HECTD4: variants seen among roughly 807,000 people sequenced by gnomAD.
The protein encoded by HECTD4 is HECT domain E3 ubiquitin protein ligase 4.
A neutral mutation model predicts 471.5 loss-of-function variants in HECTD4; 114 were observed. That is an observed-to-expected ratio of 0.24 (90% CI 0.21 to 0.28). The LOEUF is 0.28. HECTD4 is among the 10% of genes least tolerant of loss of function. The pLI, the probability that HECTD4 is intolerant of heterozygous loss-of-function variation, is 1.00. For synonymous variants in HECTD4, 2,012 were observed against 2,256.0 expected (o/e 0.89, Z 3.07); for missense variants, 3,866 against 5,651.5 (o/e 0.68, Z 10.13).
At chr12:112,242,065 T>C (rs977236615) in intron 32 of HECTD4, among the ~76,000 whole-genome samples, 2 of 152,224 alleles carry the variant, frequency 1.3e-5, no homozygotes, top group Non-Finnish European at 2.9e-5. Context: ...GAAACTCATA[T>C]AGAACAACTC....
chr12:112,187,968 G>A (rs2031940054), intron 60 of HECTD4, among the ~76,000 whole-genome samples: 1 of 151,450 alleles, frequency 6.6e-6, no homozygotes, highest in African/African-American at 2.4e-5. Context: ...AAAAGGAGGA[G>A]TTGATTGCAA....
At position 112,166,520 on chromosome 12, in the gene HECTD4, A is replaced by G. The variant is rs940254293; in HGVS notation, c.12534+797T>C. The G allele has an allele frequency of 6.6e-6, 1 of 152,224 alleles. No individual in the cohort carries two copies. The allele number at this position is 152,224 out of a possible 1,614,324, so 9.4% of individuals were successfully genotyped here. On this transcript the variant is annotated intron_variant, in intron 72 of 75. Transcript: ENST00000682272. This position sits in a 1 kb window ranked among gnomAD's most constrained non-coding sequence, Gnocchi z 4.6. ...ACGTTGCCCTCCACACTCAGCCAGG[A>G]TGGCTCTCTCAGCTGTAGGGCACGT...
chr12:112,170,794 G>A, intron 68 of HECTD4: 1 of 452,548 alleles, frequency 2.2e-6, no homozygotes, highest in Non-Finnish European at 3.9e-6. Flanking sequence ...GAAGGAGAGA[G>A]ACTCATCTGT....
intron 55 of HECTD4, among the ~76,000 whole-genome samples, chr12:112,195,954 G>A (rs1173725412): frequency 6.6e-6 from 1 of 152,188 alleles, no homozygotes; most frequent in Admixed American, 6.5e-5. Context: ...TTGAGGTCAG[G>A]AGTTTGAGAC....
chr12:112,237,182 C>T, intron 34 of HECTD4, 84 bp from the exon 35 acceptor site: 1 of 1,232,164 alleles, frequency 8.1e-7, no homozygotes, highest in Non-Finnish European at 1.1e-6. Flanking sequence ...GAGCCCTGTC[C>T]ATTTATCTTG....
rs115376244 is a variant in HECTD4 at position 112,203,711 on chromosome 12, A to C, written c.8331T>G (p.Thr2777=). 1.6e-4 allele frequency: 252 copies of C among 1,612,904 alleles called. No individual in the cohort carries two copies. In the African/African-American group the frequency reaches 3.2e-3, roughly 20 times the overall value. The change falls in exon 54 of 76, where the codon ACT becomes ACG. Residue 2777 remains threonine, a synonymous_variant. Transcript: ENST00000682272. ...CTCGGATGGCAAATTTTGGCAGAGC[A>C]GTTCCAACAGCACTGCTGGCTACAT... is the stretch of plus-strand genomic sequence containing the variant. ...SNNVASSAVG[T]ALPKFAIRGM...
At chr12:112,225,773 G>A (rs1355979605) in intron 44 of HECTD4, among the ~76,000 whole-genome samples, 1 of 152,102 alleles carries the variant, frequency 6.6e-6, no homozygotes, top group Admixed American at 6.6e-5. Context: ...AAATTAGGAA[G>A]TTAAACACTG....
intron 21 of HECTD4, among the ~76,000 whole-genome samples, chr12:112,255,749 C>G (rs1038105443): frequency 2.6e-5 from 4 of 152,168 alleles, no homozygotes; most frequent in Non-Finnish European, 4.4e-5. Flanking sequence ...TACAATTCAA[C>G]AATTCTAAGT....
intron 55 of HECTD4, 23 bp downstream of exon 55, chr12:112,200,615 T>C: frequency 1.9e-6 from 3 of 1,599,278 alleles, no homozygotes; most frequent in Non-Finnish European, 2.6e-6. Flanking sequence ...TGTGACCCAG[T>C]AGAAAGAAGG....
At chr12:112,226,810 A>G in intron 43 of HECTD4, 52 bp from the exon 44 acceptor site, 2 of 1,340,010 alleles carry the variant, frequency 1.5e-6, no homozygotes, top group Non-Finnish European at 1.0e-6. Context: ...TTCATTGTCT[A>G]AAAAAGTCAA....
At chr12:112,296,382 G>T (rs1021813556) in intron 7 of HECTD4, among the ~76,000 whole-genome samples, 4 of 149,942 alleles carry the variant, frequency 2.7e-5, no homozygotes, top group Non-Finnish European at 5.9e-5. Context: ...AGTACAGAAG[G>T]TGTAGGTGGA....
At chr12:112,295,568 G>C (rs1019934900) in intron 7 of HECTD4, among the ~76,000 whole-genome samples, 7 of 149,672 alleles carry the variant, frequency 4.7e-5, no homozygotes, top group Non-Finnish European at 7.4e-5. Flanking sequence ...TTGAACTCCT[G>C]GCTTCAAGTG....
In HECTD4 at chr12:112,160,855, C is replaced by G. The variant is rs575485865; in HGVS notation, c.*1532G>C. On this transcript the variant is annotated 3_prime_UTR_variant, in exon 76 of 76. Coordinates refer to ENST00000682272, the MANE Select transcript of HECTD4 (RefSeq NM_001388303.1). Reference sequence around the variant, plus strand: ...TCAAAGCAGGGGAACTGCTTGCGGGCACTCACCTCCAGAGTTGACTTGCAT... The same window carrying G: ...TCAAAGCAGGGGAACTGCTTGCGGGGACTCACCTCCAGAGTTGACTTGCAT... 1 of 152,292 alleles carries G rather than the reference C, an allele frequency of 6.6e-6. No homozygotes were observed. Among genetic ancestry groups the G allele is most frequent in the African/African-American group, 2.4e-5 (1 of 41,558 alleles). 9.4% of individuals were successfully genotyped at this position (152,292 alleles called of 1,614,324 possible).
chr12:112,212,356 G>C (rs2135545256), intron 49 of HECTD4, 131 bp downstream of exon 49: 1 of 723,182 alleles, frequency 1.4e-6, no homozygotes, highest in South Asian at 1.8e-5. Context: ...AGCTGGCTCT[G>C]CCCTTCCTCT....
intron 1 of HECTD4, among the ~76,000 whole-genome samples, chr12:112,380,450 A>G (rs1319038745): frequency 1.3e-5 from 2 of 151,862 alleles, no homozygotes; most frequent in African/African-American, 2.4e-5. Context: ...GTCTCGGGGG[A>G]AAAAAAAGAA....
intron 1 of HECTD4, among the ~76,000 whole-genome samples, chr12:112,373,504 AAAGT>A (rs2036723164): frequency 6.6e-6 from 1 of 152,172 alleles, no homozygotes; most frequent in Admixed American, 6.6e-5. Flanking sequence ...CCTGGGCGAC[AAAGT>A]AAGACTCCAT....
chr12:112,164,545 A>G (rs1057305602), intron 72 of HECTD4, among the ~76,000 whole-genome samples: 11 of 151,742 alleles, frequency 7.2e-5, no homozygotes, highest in African/African-American at 2.2e-4. Context: ...TGGACCGACT[A>G]TGATGGGAAA....
At chr12:112,356,652 G>A (rs2036343288) in intron 1 of HECTD4, among the ~76,000 whole-genome samples, 1 of 152,042 alleles carries the variant, frequency 6.6e-6, no homozygotes, top group Non-Finnish European at 1.5e-5. Flanking sequence ...TGCCTAGGCT[G>A]GTCTCAAACT....
chr12:112,180,989 C>T (rs1008953973), intron 62 of HECTD4, among the ~76,000 whole-genome samples: 5 of 151,606 alleles, frequency 3.3e-5, no homozygotes, highest in African/African-American at 4.8e-5. Context: ...AAATTGGGCA[C>T]GGTGGCTCAC....
Sources: allele counts gnomAD v4.1 joint callset (sites outside exome capture counted in the v4.1 genomes callset), GRCh38; gene constraint gnomAD v4.1.1; non-coding constraint Gnocchi (gnomAD v3.1); transcripts MANE v1.5; gene names NCBI Gene and HGNC (gene_info 2026-07-23, HGNC 2026-07-21).